The following EXOC6 variants were observed in gnomAD, a reference collection of about 807,000 sequenced individuals.
EXOC6 encodes the protein exocyst complex component 6, also known as SEC15-like 1.
In EXOC6, 60 loss-of-function variants were observed where a neutral mutation model predicts 112.5. The observed-to-expected ratio is 0.53, with a 90% confidence interval of 0.43 to 0.66. The LOEUF (loss-of-function observed/expected upper bound fraction) is 0.66, where lower values mean the gene tolerates loss of function less well. Among genes scored for constraint, EXOC6 ranks in the 30% least tolerant of loss-of-function variants. The probability of loss-of-function intolerance (pLI) is 0.00; values close to 1 mark genes in which losing one functional copy is unlikely to be tolerated. For synonymous variants in EXOC6, 295 were observed against 308.0 expected, an observed-to-expected ratio of 0.96 and a Z score of 0.44; for missense variants, 855 against 957.1, an observed-to-expected ratio of 0.89 and a Z score of 1.41.
At chr10:93,024,025 A>T (rs2134267920) in intron 20 of EXOC6, among the ~76,000 whole-genome samples, 1 of 152,340 alleles carries the variant, frequency 6.6e-6, no homozygotes, top group Admixed American at 6.5e-5. Flanking sequence ...TCTCACTTTC[A>T]TAGCTTCTAA....
At chr10:92,946,140 A>AC (rs1852980614) in intron 13 of EXOC6, among the ~76,000 whole-genome samples, 1 of 152,110 alleles carries the variant, frequency 6.6e-6, no homozygotes, top group African/African-American at 2.4e-5. Context: ...AAAACAAAAA[A>AC]AAAAAATTAG....
intron 17 of EXOC6, among the ~76,000 whole-genome samples, chr10:92,969,448 G>A (rs1158968728): frequency 1.3e-5 from 2 of 152,054 alleles, no homozygotes; most frequent in Non-Finnish European, 2.9e-5. Flanking sequence ...TAGAACCTGT[G>A]AGTATAACAA....
At chr10:93,046,688 C>A (rs2134353427) in intron 20 of EXOC6, among the ~76,000 whole-genome samples, 1 of 151,930 alleles carries the variant, frequency 6.6e-6, no homozygotes, top group East Asian at 1.9e-4. Flanking sequence ...ACCTCTGCCT[C>A]CTGGGTTCAA....
chr10:92,862,464 G>A (rs1847958073), intron 1 of EXOC6, among the ~76,000 whole-genome samples: 1 of 152,144 alleles, frequency 6.6e-6, no homozygotes, highest in Non-Finnish European at 1.5e-5. Context: ...ATGAGAGAGA[G>A]AGAGAGATCC....
At chr10:92,978,358 C>G (rs915894727) in intron 18 of EXOC6, among the ~76,000 whole-genome samples, 1 of 151,814 alleles carries the variant, frequency 6.6e-6, no homozygotes, top group East Asian at 1.9e-4. Context: ...TCCAGTGAGC[C>G]GTAATCATGC....
intron 18 of EXOC6, among the ~76,000 whole-genome samples, chr10:92,976,405 AG>A (rs1193812046): frequency 6.6e-6 from 1 of 152,076 alleles, no homozygotes; most frequent in African/African-American, 2.4e-5. Flanking sequence ...GTGTCCACTC[AG>A]GGTTGAATGG....
At chr10:92,852,300 A>G (rs959101079) in intron 1 of EXOC6, among the ~76,000 whole-genome samples, 1 of 152,234 alleles carries the variant, frequency 6.6e-6, no homozygotes, top group African/African-American at 2.4e-5. Context: ...TTTAAGGAAG[A>G]ATTAATGCCA....
intron 5 of EXOC6, among the ~76,000 whole-genome samples, chr10:92,908,521 C>G (rs1428507998): frequency 6.6e-6 from 1 of 152,134 alleles, no homozygotes; most frequent in Admixed American, 6.6e-5. Context: ...AGTTCCTCTA[C>G]CTAACTCTCA....
At chr10:92,861,842 A>G (rs1337780649) in intron 1 of EXOC6, among the ~76,000 whole-genome samples, 1 of 152,160 alleles carries the variant, frequency 6.6e-6, no homozygotes, top group Non-Finnish European at 1.5e-5. Context: ...TAAAAAAATA[A>G]TTTTCATTAG....
At chr10:92,854,684 A>G (rs1259713070) in intron 1 of EXOC6, among the ~76,000 whole-genome samples, 2 of 152,228 alleles carry the variant, frequency 1.3e-5, no homozygotes, top group Non-Finnish European at 2.9e-5. Flanking sequence ...CCAACTTTGT[A>G]TTCATGGGAT....
intron 20 of EXOC6, among the ~76,000 whole-genome samples, chr10:93,048,444 A>G (rs759192625): frequency 8.6e-5 from 13 of 151,752 alleles, no homozygotes; most frequent in Non-Finnish European, 1.5e-4. Context: ...CACGCCTGTA[A>G]TCCCAGCACT....
intron 20 of EXOC6, among the ~76,000 whole-genome samples, chr10:93,037,143 ACT>A (rs1491151841): frequency 2.0e-4 from 30 of 146,458 alleles, no homozygotes; most frequent in African/African-American, 7.6e-4. Flanking sequence ...TTCTTCTTCT[ACT>A]TTTTTTTTTT....
At chr10:92,887,793 T>A (rs1439342813) in intron 1 of EXOC6, among the ~76,000 whole-genome samples, 2 of 152,234 alleles carry the variant, frequency 1.3e-5, no homozygotes, top group Non-Finnish European at 2.9e-5. Context: ...CTTTCTAGGC[T>A]TTTTCTAGGG....
intron 18 of EXOC6, among the ~76,000 whole-genome samples, chr10:92,993,533 A>T (rs563627587): frequency 5.9e-5 from 9 of 152,344 alleles, no homozygotes; most frequent in Admixed American, 5.2e-4. Context: ...ATGAAAATTT[A>T]AATGGGCCAA....
intron 20 of EXOC6, among the ~76,000 whole-genome samples, chr10:93,038,933 A>G (rs1845641363): frequency 6.6e-6 from 1 of 152,206 alleles, no homozygotes; most frequent in South Asian, 2.1e-4. Flanking sequence ...CTTCTAATTT[A>G]GATGGTGCAG....
chr10:92,930,940 C>T lies in EXOC6; in HGVS notation c.972+2518C>T, dbSNP rs764359164. Among the ~76,000 whole-genome samples, 10 of 151,866 alleles carry T rather than the reference C, an allele frequency of 6.6e-5. No individual in the cohort carries two copies. The East Asian group carries it at 9.7e-4, about 15-fold the overall frequency. ...CATCCTAGCAAACATGGTGAAACCC[C>T]GTCTCTACTAAAAATACAAAAATTA... On this transcript the variant is annotated intron_variant, in intron 9 of 21. Coordinates refer to ENST00000260762, the MANE Select transcript of EXOC6 (RefSeq NM_019053.6).
intron 1 of EXOC6, among the ~76,000 whole-genome samples, chr10:92,868,011 AC>A (rs1848263026): frequency 6.6e-6 from 1 of 152,090 alleles, no homozygotes; most frequent in Non-Finnish European, 1.5e-5. Context: ...GCCATTAGAA[AC>A]ATTTTTTTCA....
chr10:92,953,212 G>A (rs1000525002), intron 15 of EXOC6, among the ~76,000 whole-genome samples: 2 of 151,984 alleles, frequency 1.3e-5, no homozygotes, highest in Non-Finnish European at 2.9e-5. Context: ...CCAAGTAGCT[G>A]GAACCACAGG....
intron 7 of EXOC6, among the ~76,000 whole-genome samples, chr10:92,916,967 CTTT>C (rs1299919614): frequency 7.1e-6 from 1 of 141,174 alleles, no homozygotes; most frequent in Admixed American, 7.1e-5. Context: ...ATTTTTCTTT[CTTT>C]TTTTTTTTTT....
Sources: allele counts gnomAD v4.1 joint callset (sites outside exome capture counted in the v4.1 genomes callset), GRCh38; gene constraint gnomAD v4.1.1; transcripts MANE v1.5; gene names NCBI Gene and HGNC (gene_info 2026-07-23, HGNC 2026-07-21).